The following HIPK2 variants were observed in gnomAD, a reference collection of about 807,000 sequenced individuals.
HIPK2 encodes the protein homeodomain interacting protein kinase 2.
HIPK2 carries 27 observed loss-of-function variants against 113.7 expected under a neutral mutation model. The observed-to-expected ratio is 0.24, with a 90% CI of 0.17 to 0.33. The LOEUF is 0.33. Ranked by LOEUF, HIPK2 falls within the 10% of genes least tolerant of loss-of-function variation. The pLI is 1.00. For synonymous variants in HIPK2, 631 were observed against 642.2 expected (o/e 0.98, Z 0.26); for missense variants, 1,257 against 1,588.0 (o/e 0.79, Z 3.54).
At chr7:139,743,536 AC>A (rs1796141268) in intron 1 of HIPK2, among the ~76,000 whole-genome samples, 1 of 152,216 alleles carries the variant, frequency 6.6e-6, no homozygotes, top group African/African-American at 2.4e-5. Flanking sequence ...ATAGCACAGG[AC>A]AGAGGACTCC....
At chr7:139,599,095 A>G (rs979999573) in intron 11 of HIPK2, among the ~76,000 whole-genome samples, 1 of 152,232 alleles carries the variant, frequency 6.6e-6, no homozygotes, top group Admixed American at 6.5e-5. Flanking sequence ...CAAAATCACT[A>G]GACATTTTGT....
intron 1 of HIPK2, among the ~76,000 whole-genome samples, chr7:139,745,144 G>C (rs941944851): frequency 5.3e-4 from 81 of 152,330 alleles, no homozygotes; most frequent in African/African-American, 1.9e-3. Context: ...CAGGTCAACA[G>C]GCATTCACCA....
chr7:139,648,514 C>G (rs369267542), intron 2 of HIPK2, among the ~76,000 whole-genome samples: 1 of 152,280 alleles, frequency 6.6e-6, no homozygotes, highest in African/African-American at 2.4e-5. Context: ...GAAGGGAATA[C>G]GGCACACAGT....
chr7:139,627,653 T>C (rs1189066679), intron 5 of HIPK2, among the ~76,000 whole-genome samples: 1 of 152,258 alleles, frequency 6.6e-6, no homozygotes, highest in Non-Finnish European at 1.5e-5. Flanking sequence ...AAGCACACTT[T>C]ACTCAGAATC....
At chr7:139,695,596 C>G (rs1794539216) in intron 2 of HIPK2, among the ~76,000 whole-genome samples, 1 of 152,196 alleles carries the variant, frequency 6.6e-6, no homozygotes, top group South Asian at 2.1e-4. Context: ...CAAATCAGAA[C>G]TGCTCTACAG....
chr7:139,587,586 G>C (rs1044807470), intron 12 of HIPK2, among the ~76,000 whole-genome samples: 14 of 151,958 alleles, frequency 9.2e-5, no homozygotes, highest in African/African-American at 2.9e-4. Flanking sequence ...CAGAGGGTGG[G>C]AGGGCACTGA....
chr7:139,742,567 A>C (rs796497568), intron 1 of HIPK2, among the ~76,000 whole-genome samples: 11 of 152,336 alleles, frequency 7.2e-5, no homozygotes, highest in African/African-American at 2.6e-4. Flanking sequence ...ATTGAAAAAT[A>C]ATGGATTGGA....
chr7:139,626,186 T>C (rs1280997315), intron 6 of HIPK2, among the ~76,000 whole-genome samples: 1 of 151,406 alleles, frequency 6.6e-6, no homozygotes, highest in Non-Finnish European at 1.5e-5. Context: ...CACTGCAACC[T>C]CTGCTTCCCA....
chr7:139,718,991 C>T (rs558349647), intron 1 of HIPK2, among the ~76,000 whole-genome samples: 7 of 152,136 alleles, frequency 4.6e-5, no homozygotes, highest in East Asian at 1.9e-4. Flanking sequence ...TGTTTCAGCC[C>T]GTTCTTCTTA....
At chr7:139,648,386 C>G (rs1054273763) in intron 2 of HIPK2, among the ~76,000 whole-genome samples, 1 of 152,128 alleles carries the variant, frequency 6.6e-6, no homozygotes, top group African/African-American at 2.4e-5. Context: ...TCACAGAACC[C>G]AAAGTTACAG....
chr7:139,648,267 CTGCCT>C (rs1179195849), intron 2 of HIPK2, among the ~76,000 whole-genome samples: 1 of 152,214 alleles, frequency 6.6e-6, no homozygotes, highest in Non-Finnish European at 1.5e-5. Flanking sequence ...GTGAACAATT[CTGCCT>C]AACTCTTTAG....
chr7:139,686,615 T>C (rs1794229746), intron 2 of HIPK2, among the ~76,000 whole-genome samples: 2 of 152,220 alleles, frequency 1.3e-5, no homozygotes, highest in South Asian at 4.1e-4. Context: ...GCTGCTGCCA[T>C]GTGAAGAAGG....
rs916274228 is a variant in HIPK2 at position 139,575,143 on chromosome 7, T to A, written c.3111A>T (p.Pro1037=). Residue 1037 remains proline, a synonymous_variant, in exon 14 of 15, where the codon CCA becomes CCT. Transcript: ENST00000406875. The stretch of plus-strand genomic sequence containing the variant: ...TGGGGCTTACCTGGCTGAGATTGAG[T>A]GGCTGCTGCTGCTGGAAGTGGGGGC... ...RPGPHFQQQQ[P]LNLSQAQQHI... 5 of 1,593,786 alleles carry A rather than the reference T, an allele frequency of 3.1e-6. No homozygotes were observed. Among genetic ancestry groups the A allele is most frequent in the Non-Finnish European group, 3.4e-6 (4 of 1,170,874 alleles).
At chr7:139,635,380 C>T (rs924054339) in intron 2 of HIPK2, among the ~76,000 whole-genome samples, 2 of 152,188 alleles carry the variant, frequency 1.3e-5, no homozygotes, top group Admixed American at 6.5e-5. Flanking sequence ...TCTCATGGCC[C>T]GGAAGGCTGT....
chr7:139,614,609 C>T (rs1799968311), intron 7 of HIPK2, 116 bp from the exon 8 acceptor site: 4 of 733,906 alleles, frequency 5.5e-6, no homozygotes, highest in Non-Finnish European at 5.8e-6. Flanking sequence ...AACAAACAAA[C>T]AAAAACTAAG....
At chr7:139,698,524 C>T (rs1158424818) in intron 2 of HIPK2, among the ~76,000 whole-genome samples, 11 of 152,274 alleles carry the variant, frequency 7.2e-5, no homozygotes, top group Non-Finnish European at 1.0e-4. Flanking sequence ...ACGTTTTTGA[C>T]GAACTGCCAA....
At chr7:139,680,127 T>A (rs917198520) in intron 2 of HIPK2, among the ~76,000 whole-genome samples, 29 of 152,080 alleles carry the variant, frequency 1.9e-4, no homozygotes, top group African/African-American at 7.0e-4. Flanking sequence ...CCGCAAATAA[T>A]CATTAAACAG....
At chr7:139,599,869 C>G (rs930145972) in intron 11 of HIPK2, among the ~76,000 whole-genome samples, 1 of 152,146 alleles carries the variant, frequency 6.6e-6, no homozygotes, top group African/African-American at 2.4e-5. Context: ...TCTAACTGTG[C>G]ACTCTGCTGT....
chr7:139,742,367 G>A (rs746401710), intron 1 of HIPK2, among the ~76,000 whole-genome samples: 15 of 152,222 alleles, frequency 9.9e-5, no homozygotes, highest in Admixed American at 2.0e-4. Context: ...TTTAAGAAAT[G>A]CTGGGTTAAA....
Sources: gnomAD v4.1 joint callset for allele counts (sites outside exome capture counted in the v4.1 genomes callset) on GRCh38, gnomAD v4.1.1 for gene constraint, MANE v1.5 for transcripts, NCBI Gene and HGNC (gene_info 2026-07-23, HGNC 2026-07-21) for gene names.